The following MDGA2 variants were observed in gnomAD, a reference collection of about 807,000 sequenced individuals.
MDGA2 encodes MAM domain-containing glycosylphosphatidylinositol anchor protein 2.
Under a neutral mutation model 117.8 loss-of-function variants are expected in MDGA2, and 40 were observed. The ratio of observed to expected loss-of-function variants is 0.34; its 90% CI spans 0.26 to 0.44. MDGA2 has a LOEUF of 0.44. Among genes scored for constraint, MDGA2 ranks in the 20% least tolerant of loss-of-function variants. The pLI is 1.00. For missense variants in MDGA2, 1,123 were observed against 1,250.6 expected, an observed-to-expected ratio of 0.90 and a Z score of 1.54; for synonymous variants, 452 against 439.0, an observed-to-expected ratio of 1.03 and a Z score of -0.37.
chr14:46,970,427 G>C (rs961921239), intron 8 of MDGA2, among the ~76,000 whole-genome samples: 3 of 152,202 alleles, frequency 2.0e-5, no homozygotes, highest in African/African-American at 7.2e-5. Flanking sequence ...AATTTGTATA[G>C]TGCCAAGAAC....
chr14:47,242,630 G>A lies in MDGA2; in HGVS notation c.421-24435C>T, dbSNP rs1238740030. ...TGTACTGAGTCCCCCAGCAGTGCTGGCCCACCAGCGCTGCGCTCGATTTCT... is the reference window on the plus strand; with the variant it reads ...TGTACTGAGTCCCCCAGCAGTGCTGACCCACCAGCGCTGCGCTCGATTTCT... On this transcript the variant is annotated intron_variant, in intron 2 of 16. Coordinates refer to ENST00000399232, the MANE Select transcript of MDGA2 (RefSeq NM_001113498.3). Among the ~76,000 whole-genome samples, 22 of 151,872 alleles carry A rather than the reference G, an allele frequency of 1.4e-4. 1 individual carries two copies. Among genetic ancestry groups the A allele is most frequent in the Admixed American group, 3.9e-4 (6 of 15,272 alleles).
chr14:47,007,864 A>C (rs1280390874), intron 8 of MDGA2, among the ~76,000 whole-genome samples: 1 of 151,830 alleles, frequency 6.6e-6, no homozygotes, highest in Non-Finnish European at 1.5e-5. Flanking sequence ...GAATTATATT[A>C]AATTTGAGTG....
intron 1 of MDGA2, among the ~76,000 whole-genome samples, chr14:47,415,474 T>C (rs1214673076): frequency 6.6e-6 from 1 of 152,160 alleles, no homozygotes; most frequent in Non-Finnish European, 1.5e-5. Flanking sequence ...ATCACATTCA[T>C]GTAAGTTTTA....
intron 2 of MDGA2, among the ~76,000 whole-genome samples, chr14:47,297,002 A>G (rs1392811458): frequency 6.6e-6 from 1 of 152,172 alleles, no homozygotes; most frequent in African/African-American, 2.4e-5. Context: ...TGCTGGCCCC[A>G]ATGCAGGGGT....
At position 47,506,994 on chromosome 14, in the gene MDGA2, C is replaced by CT. The variant is rs34589993; in HGVS notation, c.280+167522dup. On this transcript the variant is annotated intron_variant, in intron 1 of 16. Coordinates refer to ENST00000399232, the MANE Select transcript of MDGA2 (RefSeq NM_001113498.3). ...GAAGAAGAGACAAAAAGGCTGCTTA[C>CT]TTTTTTTTTTTTTTTGCACATTACC... is the stretch of plus-strand genomic sequence containing the variant. 2.9e-3 allele frequency among the ~76,000 whole-genome samples: 396 copies of CT among 135,962 alleles called. 2 individuals are homozygous for CT. The highest frequency in any genetic ancestry group is 7.7e-3 in the Middle Eastern group (2 of 260). 89.2% of individuals were successfully genotyped at this position (135,962 alleles called of 152,430 possible). A position where few individuals can be genotyped will look rare whatever the true frequency, so the allele number is the denominator to read the frequency against.
intron 2 of MDGA2, among the ~76,000 whole-genome samples, chr14:47,238,241 C>G (rs926699671): frequency 1.3e-5 from 2 of 152,210 alleles, no homozygotes; most frequent in Non-Finnish European, 2.9e-5. Flanking sequence ...GCACACTTAC[C>G]AATATCAGAA....
chr14:47,348,167 ATGTGTGTGTGTGTG>A (rs56850503), intron 1 of MDGA2, among the ~76,000 whole-genome samples: 1 of 143,450 alleles, frequency 7.0e-6, no homozygotes, highest in Non-Finnish European at 1.5e-5. Flanking sequence ...CTCTCTGTAT[ATGTGTGTGTGTGTG>A]TGTGTGTGTG....
intron 1 of MDGA2, among the ~76,000 whole-genome samples, chr14:47,423,757 T>C (rs907580697): frequency 5.3e-5 from 8 of 152,150 alleles, no homozygotes; most frequent in African/African-American, 1.7e-4. Context: ...GATATGTCAG[T>C]GTTCTGAGAA....
At chr14:47,626,109 C>T (rs913174392) in intron 1 of MDGA2, among the ~76,000 whole-genome samples, 1 of 152,178 alleles carries the variant, frequency 6.6e-6, no homozygotes, top group Non-Finnish European at 1.5e-5. Context: ...ATTAGATGCC[C>T]TCTTGGGTGG....
intron 1 of MDGA2, among the ~76,000 whole-genome samples, chr14:47,567,652 A>C (rs1305576257): frequency 6.6e-6 from 1 of 152,074 alleles, no homozygotes; most frequent in Non-Finnish European, 1.5e-5. Flanking sequence ...TATCATCTGC[A>C]TTTGCTTGAC....
chr14:47,243,009 C>T (rs969297742), intron 2 of MDGA2, among the ~76,000 whole-genome samples: 1 of 151,716 alleles, frequency 6.6e-6, no homozygotes, highest in Admixed American at 6.6e-5. Flanking sequence ...GTGCACCAGT[C>T]GACACTCTGT....
At chr14:47,537,266 T>C (rs1293406957) in intron 1 of MDGA2, among the ~76,000 whole-genome samples, 2 of 123,588 alleles carry the variant, frequency 1.6e-5, no homozygotes, top group African/African-American at 6.4e-5. Flanking sequence ...TGAGAACACA[T>C]GGACACAGGA....
intron 3 of MDGA2, among the ~76,000 whole-genome samples, chr14:47,144,730 C>G (rs970976269): frequency 2.6e-5 from 4 of 151,918 alleles, no homozygotes; most frequent in African/African-American, 9.7e-5. Flanking sequence ...CTTACTGCAG[C>G]CTCAACCTCC....
At chr14:46,941,892 G>C (rs1885014313) in intron 9 of MDGA2, among the ~76,000 whole-genome samples, 1 of 152,152 alleles carries the variant, frequency 6.6e-6, no homozygotes, top group African/African-American at 2.4e-5. Flanking sequence ...CAAGCTGTAA[G>C]ACACAGTTTT....
chr14:46,884,560 A>G lies in MDGA2; in HGVS notation c.2239-2339T>C, dbSNP rs1473713388. ...TGCTACATTTCTGGAAATAAAAACTACAATATGTGTGCTACAGCACAGTCC... is the reference window on the plus strand; with the variant it reads ...TGCTACATTTCTGGAAATAAAAACTGCAATATGTGTGCTACAGCACAGTCC... On this transcript the variant is annotated intron_variant, in intron 10 of 16. Coordinates refer to ENST00000399232, the MANE Select transcript of MDGA2 (RefSeq NM_001113498.3). This position sits in a 1 kb window ranked among gnomAD's most constrained non-coding sequence, Gnocchi z 4.1. Among the ~76,000 whole-genome samples the G allele has an allele frequency of 6.6e-6, 1 of 152,204 alleles. No homozygotes were observed. Among genetic ancestry groups the G allele is most frequent in the Non-Finnish European group, 1.5e-5 (1 of 68,030 alleles).
chr14:47,395,387 T>TA (rs1891985957), intron 1 of MDGA2, among the ~76,000 whole-genome samples: 1 of 152,142 alleles, frequency 6.6e-6, no homozygotes, highest in Non-Finnish European at 1.5e-5. Flanking sequence ...CTTCTCAGAA[T>TA]AAAAAATATG....
At chr14:47,249,283 C>T (rs192237554) in intron 2 of MDGA2, among the ~76,000 whole-genome samples, 1 of 152,124 alleles carries the variant, frequency 6.6e-6, no homozygotes, top group East Asian at 1.9e-4. Context: ...TCCCAAACTG[C>T]TGAGATTACA....
intron 6 of MDGA2, among the ~76,000 whole-genome samples, chr14:47,082,519 T>C (rs1439525373): frequency 6.6e-6 from 1 of 152,024 alleles, no homozygotes; most frequent in Non-Finnish European, 1.5e-5. Context: ...AAATACAGCA[T>C]TAACAAGCCA....
Position 46,957,526 on chromosome 14 carries a change from C to T in MDGA2, c.1937G>A (p.Arg646His), listed in dbSNP as rs1247932741. The T allele has an allele frequency of 6.8e-6, 11 of 1,613,968 alleles. No individual in the cohort carries two copies. Among genetic ancestry groups the T allele is most frequent in the Admixed American group, 5.0e-5 (3 of 59,984 alleles). The stretch of plus-strand genomic sequence containing the variant: ...CGTCCGTAATAATTTATTGCCCAAG[C>T]GCCACTCATAGGTCAGCACCCGTAT... ...YPIRVLTYEWRLGNKLLRTGQ... is the reference protein window; with the variant it reads ...YPIRVLTYEWHLGNKLLRTGQ... The change falls in exon 9 of 17, where the codon CGC becomes CAC. Residue 646 changes from arginine (R) to histidine (H), a missense_variant. Arg to His is a conservative substitution (Grantham distance 29, BLOSUM62 0). Transcript: ENST00000399232.
Sources: allele counts gnomAD v4.1 joint callset (sites outside exome capture counted in the v4.1 genomes callset), GRCh38; gene constraint gnomAD v4.1.1; non-coding constraint Gnocchi (gnomAD v3.1); transcripts MANE v1.5; gene names NCBI Gene and HGNC (gene_info 2026-07-23, HGNC 2026-07-21).